The following LIN28B variants were observed in gnomAD, a reference collection of about 807,000 sequenced individuals.
LIN28B encodes protein lin-28 homolog B.
Under a neutral mutation model 21.9 loss-of-function variants are expected in LIN28B, and 5 were observed. The ratio of observed to expected loss-of-function variants is 0.23; its 90% CI spans 0.12 to 0.48. LIN28B has a LOEUF of 0.48. Ranked by LOEUF, LIN28B falls within the 20% of genes least tolerant of loss-of-function variation. The pLI is 0.98. For missense variants in LIN28B, 245 were observed against 310.5 expected (o/e 0.79, Z 1.58); for synonymous variants, 109 against 111.3 (o/e 0.98, Z 0.13).
chr6:105,026,196 A>G (rs1472375934), intron 2 of LIN28B, 102 bp from the exon 3 acceptor site: 2 of 601,924 alleles, frequency 3.3e-6, no homozygotes, highest in Admixed American at 3.2e-5. Context: ...TTTGTAATGC[A>G]TGACAGAGTA....
rs189508012 is a variant in LIN28B, at chr6:104,958,438, A to T, written c.198+152A>T. The T allele has an allele frequency of 6.5e-3, 3,498 of 540,580 alleles. 26 individuals are homozygous for T. The highest frequency in any genetic ancestry group is 9.4e-3 in the Non-Finnish European group (2,976 of 315,056). The allele number at this position is 540,580 out of a possible 1,614,324, so 33.5% of individuals were successfully genotyped here. A position where few individuals can be genotyped will look rare whatever the true frequency, so the allele number is the denominator to read the frequency against. On this transcript the variant is annotated intron_variant, in intron 2 of 3. Coordinates refer to ENST00000345080, the MANE Select transcript of LIN28B (RefSeq NM_001004317.4). The stretch of plus-strand genomic sequence containing the variant: ...CACTAGGTAGTCCAACGTTTAGGGT[A>T]CGTGTATGGGCCTTTTCCTGGGTTT...
chr6:104,991,591 C>T (rs1427737350), intron 2 of LIN28B, among the ~76,000 whole-genome samples: 1 of 152,072 alleles, frequency 6.6e-6, no homozygotes, highest in African/African-American at 2.4e-5. Flanking sequence ...CAGAGACGCT[C>T]CTCACTTCCC....
At chr6:104,960,904 C>CT (rs1431086888) in intron 2 of LIN28B, among the ~76,000 whole-genome samples, 1 of 152,034 alleles carries the variant, frequency 6.6e-6, no homozygotes, top group African/African-American at 2.4e-5. Flanking sequence ...TACCATCAAA[C>CT]TTTCTTGTAG....
chr6:104,967,707 T>C lies in LIN28B; in HGVS notation c.198+9421T>C, dbSNP rs187571114. Among the ~76,000 whole-genome samples, 6 of 151,302 alleles carry C rather than the reference T, an allele frequency of 4.0e-5. No individual in the cohort carries two copies. The East Asian group carries it at 1.2e-3, about 29-fold the overall frequency. ...TTATTATTATTATTTAGAAACAGGGTCTTCCTCAGTCACCCAGGCTGGCGT... is the reference window on the plus strand; with the variant it reads ...TTATTATTATTATTTAGAAACAGGGCCTTCCTCAGTCACCCAGGCTGGCGT... On this transcript the variant is annotated intron_variant, in intron 2 of 3. Coordinates refer to ENST00000345080, the MANE Select transcript of LIN28B (RefSeq NM_001004317.4).
intron 2 of LIN28B, among the ~76,000 whole-genome samples, chr6:104,947,352 G>C (rs1304891037): frequency 1.3e-5 from 2 of 152,122 alleles, no homozygotes; most frequent in African/African-American, 4.8e-5. Context: ...TCGAACTCTG[G>C]ACCTCAAGTG....
At chr6:104,953,543 G>A (rs1379662937), upstream of LIN28B, among the ~76,000 whole-genome samples, 1 of 152,234 alleles carries the variant, frequency 6.6e-6, no homozygotes, top group African/African-American at 2.4e-5. Context: ...AAATGTAAAA[G>A]TCCCTAAATT....
intron 2 of LIN28B, among the ~76,000 whole-genome samples, chr6:104,941,746 T>C (rs1287973362): frequency 2.6e-5 from 4 of 152,216 alleles, no homozygotes; most frequent in African/African-American, 9.6e-5. Flanking sequence ...TAGGTTGTTT[T>C]TGAAAAGGAA....
intron 3 of LIN28B, among the ~76,000 whole-genome samples, chr6:105,031,613 A>G (rs1189632711): frequency 6.6e-6 from 1 of 150,710 alleles, no homozygotes; most frequent in Non-Finnish European, 1.5e-5. Flanking sequence ...GGCTCACTGC[A>G]AGCTCTGCCT....
chr6:104,946,875 G>T (rs1294543497), intron 2 of LIN28B, among the ~76,000 whole-genome samples: 2 of 152,036 alleles, frequency 1.3e-5, no homozygotes, highest in Non-Finnish European at 2.9e-5. Flanking sequence ...AAAATTATCT[G>T]AAGTATTTTT....
intron 3 of LIN28B, among the ~76,000 whole-genome samples, chr6:105,065,481 T>A (rs1487352019): frequency 1.3e-5 from 2 of 152,246 alleles, no homozygotes; most frequent in African/African-American, 4.8e-5. Context: ...CAATATATAG[T>A]CTGTCACTGG....
chr6:104,943,680 C>T (rs1343308301), intron 2 of LIN28B, among the ~76,000 whole-genome samples: 1 of 152,056 alleles, frequency 6.6e-6, no homozygotes. Flanking sequence ...TTTTAAAATT[C>T]TCAGATACTC....
At chr6:104,975,010 G>T (rs934141454) in intron 2 of LIN28B, among the ~76,000 whole-genome samples, 2 of 151,998 alleles carry the variant, frequency 1.3e-5, no homozygotes, top group Non-Finnish European at 2.9e-5. Context: ...AGTAGACATG[G>T]GGTTTCACCA....
At chr6:105,064,948 C>A (rs1162029746) in intron 3 of LIN28B, among the ~76,000 whole-genome samples, 1 of 152,136 alleles carries the variant, frequency 6.6e-6, no homozygotes, top group South Asian at 2.1e-4. Flanking sequence ...AGAATATGTG[C>A]AAATAAATCT....
At chr6:105,028,439 C>G (rs1379426114) in intron 3 of LIN28B, among the ~76,000 whole-genome samples, 3 of 152,066 alleles carry the variant, frequency 2.0e-5, no homozygotes, top group African/African-American at 7.2e-5. Context: ...TCCAATAATA[C>G]AGAAAAGAGC....
intron 2 of LIN28B, among the ~76,000 whole-genome samples, chr6:105,015,302 CTCTT>C (rs1771004942): frequency 6.6e-6 from 1 of 152,094 alleles, no homozygotes; most frequent in African/African-American, 2.4e-5. Flanking sequence ...TTTGATAATA[CTCTT>C]TATCTTAAAG....
intron 2 of LIN28B, among the ~76,000 whole-genome samples, chr6:104,973,054 C>T (rs1204961936): frequency 4.0e-5 from 6 of 150,458 alleles, no homozygotes; most frequent in African/African-American, 7.4e-5. Flanking sequence ...GAGGTTGCAG[C>T]GAGCCGAGAT....
chr6:105,069,924 T>C (rs973604515), intron 3 of LIN28B, among the ~76,000 whole-genome samples: 4 of 152,042 alleles, frequency 2.6e-5, no homozygotes, highest in African/African-American at 7.2e-5. Context: ...ATAAGAGATA[T>C]ATACACACAC....
chr6:105,061,832 A>G (rs1240004021), intron 3 of LIN28B, among the ~76,000 whole-genome samples: 1 of 152,124 alleles, frequency 6.6e-6, no homozygotes, highest in African/African-American at 2.4e-5. Context: ...ATTTGAGGTC[A>G]TGAACAATGT....
Position 104,958,147 on chromosome 6 carries a change from C to G in LIN28B, c.59C>G (p.Pro20Arg). 1.2e-6 allele frequency: 2 copies of G among 1,606,024 alleles called. No homozygotes were observed. The highest frequency in any genetic ancestry group is 1.7e-6 in the Non-Finnish European group (2 of 1,174,226). The change falls in exon 2 of 4, where the codon CCG (proline) becomes CGG (arginine). Residue 20 changes from proline to arginine, a missense_variant. Physicochemically the swap from Pro to Arg is moderately radical, Grantham distance 103 (BLOSUM62 -2). Coordinates refer to ENST00000345080, the MANE Select transcript of LIN28B (RefSeq NM_001004317.4). ...GAAGAGCCCGGGAAGCTGCCGGAGC[C>G]GGCAGAGGAGGAATCCCAGGTTTTG... ...GGEEPGKLPE[P>R]AEEESQVLRG...
Sources: allele counts gnomAD v4.1 joint callset (sites outside exome capture counted in the v4.1 genomes callset), GRCh38; gene constraint gnomAD v4.1.1; transcripts MANE v1.5; gene names NCBI Gene and HGNC (gene_info 2026-07-23, HGNC 2026-07-21).